Variants in TBC1D19 observed in about 807,000 individuals in gnomAD.
The protein encoded by TBC1D19 is TBC1 domain family member 19.
A neutral mutation model predicts 89.0 loss-of-function variants in TBC1D19; 60 were observed. The ratio of observed to expected loss-of-function variants is 0.67; its 90% CI spans 0.55 to 0.84. The LOEUF is 0.84. TBC1D19 is among the 40% of genes least tolerant of loss of function. The probability of loss-of-function intolerance (pLI) is 0.00; values close to 1 mark genes in which losing one functional copy is unlikely to be tolerated. For missense variants in TBC1D19, 500 were observed against 610.8 expected (o/e 0.82, Z 1.91); for synonymous variants, 189 against 199.7 (o/e 0.95, Z 0.45).
chr4:26,809,809 A>G, the TBC1D19 span, among the ~76,000 whole-genome samples: 1 of 152,146 alleles, frequency 6.6e-6, no homozygotes, highest in Non-Finnish European at 1.5e-5. Context: ...TCGTCCCTTC[A>G]TCAAACTCTC....
At chr4:26,703,933 C>T (rs537274212) in intron 13 of TBC1D19, among the ~76,000 whole-genome samples, 1 of 128,892 alleles carries the variant, frequency 7.8e-6, no homozygotes, top group South Asian at 2.5e-4. Context: ...TGCAATTCGG[C>T]CTGGGCAAAA....
intron 12 of TBC1D19, among the ~76,000 whole-genome samples, chr4:26,687,502 A>G (rs1038021229): frequency 6.6e-6 from 1 of 152,106 alleles, no homozygotes; most frequent in Non-Finnish European, 1.5e-5. Context: ...GGAAACACAA[A>G]TGCTTTAGTT....
At chr4:26,679,936 T>C (rs545254348) in intron 11 of TBC1D19, among the ~76,000 whole-genome samples, 1 of 152,352 alleles carries the variant, frequency 6.6e-6, no homozygotes, top group Non-Finnish European at 1.5e-5. Flanking sequence ...CATCTTGAAT[T>C]ATAGTTCTCA....
At chr4:26,705,481 C>T (rs1003222601) in intron 13 of TBC1D19, among the ~76,000 whole-genome samples, 12 of 152,288 alleles carry the variant, frequency 7.9e-5, no homozygotes, top group African/African-American at 2.9e-4. Context: ...AAAGGCCCAG[C>T]TTCATTCTTT....
At chr4:26,650,383 T>A (rs563008995) in intron 7 of TBC1D19, among the ~76,000 whole-genome samples, 107 of 152,350 alleles carry the variant, frequency 7.0e-4, no homozygotes, top group African/African-American at 2.5e-3. Context: ...TGTTGTTTCC[T>A]GACTTTTTAA....
intron 7 of TBC1D19, among the ~76,000 whole-genome samples, chr4:26,658,173 C>T (rs141610682): frequency 6.6e-6 from 1 of 152,250 alleles, no homozygotes; most frequent in African/African-American, 2.4e-5. Context: ...TGCCTGTGTC[C>T]TGAATGGTAT....
the TBC1D19 span, among the ~76,000 whole-genome samples, chr4:26,779,827 A>T: frequency 6.6e-6 from 1 of 152,138 alleles, no homozygotes; most frequent in Non-Finnish European, 1.5e-5. Context: ...TATAATTTAC[A>T]TATTTTTCCC....
chr4:26,579,185 T>G (rs1481069907), upstream of TBC1D19, among the ~76,000 whole-genome samples: 3 of 152,244 alleles, frequency 2.0e-5, no homozygotes, highest in Non-Finnish European at 2.9e-5. Context: ...GTAGTCTATT[T>G]GTGGCCCAAA....
chr4:26,814,482 G>A, the TBC1D19 span, among the ~76,000 whole-genome samples: 2 of 152,184 alleles, frequency 1.3e-5, no homozygotes, highest in Non-Finnish European at 2.9e-5. Flanking sequence ...GAGATCAGAC[G>A]TGGCTACAGA....
intron 13 of TBC1D19, among the ~76,000 whole-genome samples, chr4:26,698,809 T>C (rs567601653): frequency 6.9e-4 from 105 of 152,286 alleles, no homozygotes; most frequent in African/African-American, 2.5e-3. Context: ...TGGCTAGCCA[T>C]ATGTAGAAAG....
chr4:26,788,691 G>C, the TBC1D19 span, among the ~76,000 whole-genome samples: 1 of 152,182 alleles, frequency 6.6e-6, no homozygotes, highest in Non-Finnish European at 1.5e-5. Context: ...AATTAAATGT[G>C]TCAAGAAGGA....
At chr4:26,661,991 C>T (rs1745249745) in intron 8 of TBC1D19, among the ~76,000 whole-genome samples, 1 of 152,162 alleles carries the variant, frequency 6.6e-6, no homozygotes. Context: ...CTGTGTTTTC[C>T]AGTCAGTTTT....
chr4:26,828,506 T>C, the TBC1D19 span, among the ~76,000 whole-genome samples: 1 of 152,254 alleles, frequency 6.6e-6, no homozygotes, highest in East Asian at 1.9e-4. Context: ...TGTGCTTGAA[T>C]GGTAAAATAC....
chr4:26,620,804 A>G, intron 4 of TBC1D19, 116 bp downstream of exon 4: 1 of 822,352 alleles, frequency 1.2e-6, no homozygotes, highest in South Asian at 2.3e-5. Context: ...CTGGGTAAGA[A>G]CCACTAAATT....
At chr4:26,597,441 A>G (rs945255751) in intron 1 of TBC1D19, among the ~76,000 whole-genome samples, 1 of 147,680 alleles carries the variant, frequency 6.8e-6, no homozygotes, top group Non-Finnish European at 1.5e-5. Context: ...TTTTATTTTC[A>G]CCTTCTTTGT....
chr4:26,804,966 G>A, the TBC1D19 span, among the ~76,000 whole-genome samples: 1 of 152,134 alleles, frequency 6.6e-6, no homozygotes, highest in Non-Finnish European at 1.5e-5. Flanking sequence ...AGACAATAAA[G>A]AAATCTCCGG....
chr4:26,613,188 A>G lies in TBC1D19; in HGVS notation c.119A>G (p.Glu40Gly). The change falls in exon 2 of 21, where the codon GAG becomes GGG. Residue 40 changes from glutamate (E) to glycine (G), a missense_variant. By Grantham distance (98) the Glu-to-Gly change is moderately conservative. Coordinates refer to ENST00000264866, the MANE Select transcript of TBC1D19 (RefSeq NM_018317.4). ...TCTTAGGCCAGTCTTCAGAGACCTG[A>G]GATTAAACTTGAATCACTGAAAGAA... ...RQAWASLQRP[E>G]IKLESLKEDI... 2 of 1,574,676 alleles carry G rather than the reference A, an allele frequency of 1.3e-6. No individual in the cohort carries two copies. Among genetic ancestry groups the G allele is most frequent in the Non-Finnish European group, 1.7e-6 (2 of 1,157,286 alleles).
intron 19 of TBC1D19, 67 bp downstream of exon 19, chr4:26,748,593 A>G (rs1022126966): frequency 3.5e-6 from 4 of 1,131,452 alleles, no homozygotes; most frequent in Non-Finnish European, 5.3e-6. Context: ...TCTTCCTAAC[A>G]TTCACCATCC....
At chr4:26,838,018 T>C in the TBC1D19 span, among the ~76,000 whole-genome samples, 2 of 152,194 alleles carry the variant, frequency 1.3e-5, no homozygotes, top group African/African-American at 4.8e-5. Context: ...ACAGTTTCAA[T>C]GATTAAGTGG....
Sources: gnomAD v4.1 joint callset for allele counts (sites outside exome capture counted in the v4.1 genomes callset) on GRCh38, gnomAD v4.1.1 for gene constraint, MANE v1.5 for transcripts, NCBI Gene and HGNC (gene_info 2026-07-23, HGNC 2026-07-21) for gene names.